The following ELP6 variants were observed in gnomAD, a reference collection of about 807,000 sequenced individuals.
ELP6 encodes elongator complex protein 6.
Under a neutral mutation model 28.1 loss-of-function variants are expected in ELP6, and 23 were observed. That is an observed-to-expected ratio of 0.82 (90% CI 0.59 to 1.16). The LOEUF (loss-of-function observed/expected upper bound fraction) is 1.16. Among genes scored for constraint, ELP6 ranks in the 50% most tolerant of loss-of-function variants. The pLI, the probability that ELP6 is intolerant of heterozygous loss-of-function variation, is 0.00. For missense variants in ELP6, 313 were observed against 334.6 expected (o/e 0.94, Z 0.50); for synonymous variants, 132 against 135.8 (o/e 0.97, Z 0.19).
chr3:47,511,130 CATCA>C lies in ELP6; in HGVS notation c.133+14_133+17del. 1.2e-6 allele frequency: 2 copies of C among 1,605,956 alleles called. No individual in the cohort carries two copies. Among genetic ancestry groups the C allele is most frequent in the Non-Finnish European group, 1.7e-6 (2 of 1,173,764 alleles). ...CCCATCTTGGGTTTCTTTTCTACAG[CATCA>C]ATGAGTCCCATACCTTTGAGATAGA... On this transcript the variant is annotated intron_variant, in intron 2 of 6. Transcript: ENST00000296149.
chr3:47,504,923 G>A (rs573643442), intron 3 of ELP6, among the ~76,000 whole-genome samples: 3 of 152,198 alleles, frequency 2.0e-5, no homozygotes, highest in East Asian at 1.9e-4. Context: ...TCATGCTGCT[G>A]CACTCCAGCC....
chr3:47,509,231 G>C (rs1708939962), intron 3 of ELP6, among the ~76,000 whole-genome samples: 1 of 152,126 alleles, frequency 6.6e-6, no homozygotes, highest in South Asian at 2.1e-4. Context: ...CAAAGTGCTG[G>C]GATTACAGGC....
At chr3:47,497,917 C>G in intron 6 of ELP6, 1 of 982,034 alleles carries the variant, frequency 1.0e-6, no homozygotes, top group Non-Finnish European at 1.2e-6. Context: ...GGTGACAGAG[C>G]AAGACTCCGT....
intron 1 of ELP6, chr3:47,512,525 C>T (rs1709044163): frequency 1.2e-6 from 1 of 863,142 alleles, no homozygotes; most frequent in Non-Finnish European, 1.4e-6. Flanking sequence ...CACTCCAGCC[C>T]AGGCGAGGGA....
intron 5 of ELP6, chr3:47,500,207 G>A (rs1428622487): frequency 1.2e-5 from 13 of 1,090,274 alleles, no homozygotes; most frequent in South Asian, 7.1e-5. Context: ...AAAATATACC[G>A]TGTATTAATA....
At position 47,512,783 on chromosome 3, in the gene ELP6, C is replaced by T. The variant is rs987876216; in HGVS notation, c.54+754G>A. 37 of 935,076 alleles carry T rather than the reference C, an allele frequency of 4.0e-5. No homozygotes were observed. In the South Asian group the frequency reaches 9.3e-4, roughly 24 times the overall value. The allele number at this position is 935,076 out of a possible 1,614,324, so 57.9% of individuals were successfully genotyped here. ...GTAAGAAGAACAGCAGCGTTCAATACAATGTGCCAATTGCTCCGGGGCGAG... is the reference window on the plus strand; with the variant it reads ...GTAAGAAGAACAGCAGCGTTCAATATAATGTGCCAATTGCTCCGGGGCGAG... On this transcript the variant is annotated intron_variant, in intron 1 of 6. Transcript: ENST00000296149.
intron 6 of ELP6, chr3:47,497,830 G>C (rs1708522126): frequency 2.7e-6 from 1 of 375,014 alleles, no homozygotes; most frequent in African/African-American, 2.2e-5. Flanking sequence ...TACTAGGAAG[G>C]CTGAGGCAGA....
rs927284718 is a variant in ELP6 at position 47,504,376 on chromosome 3, C to T, written c.277G>A (p.Val93Ile). The T allele has an allele frequency of 3.7e-6, 6 of 1,610,314 alleles. No homozygotes were observed. The East Asian group carries it at 6.7e-5, about 18-fold the overall frequency. The change falls in exon 4 of 7, where the codon GTC becomes ATC. Residue 93 changes from valine (V) to isoleucine (I), a missense_variant. By Grantham distance (29) the Val-to-Ile change is conservative (BLOSUM62 3). Transcript: ENST00000296149. ...FLEGLKSAVD[V>I]VFQAQKEPHP... The stretch of plus-strand genomic sequence containing the variant: ...GGCTCCTTTTGAGCCTGGAAGACGA[C>T]GTCCACTGCAGACTTGAGTCCCTCA...
intron 6 of ELP6, chr3:47,498,024 C>T (rs1006829460): frequency 1.0e-6 from 1 of 985,142 alleles, no homozygotes; most frequent in African/African-American, 1.7e-5. Flanking sequence ...CCCCTGCATT[C>T]CACTCTAGAC....
At chr3:47,505,818 C>T (rs1199382410) in intron 3 of ELP6, among the ~76,000 whole-genome samples, 5 of 152,086 alleles carry the variant, frequency 3.3e-5, no homozygotes, top group South Asian at 4.1e-4. Context: ...GTGATCCACC[C>T]GCCTTGGCCT....
At chr3:47,510,040 G>A (rs138165741) in intron 3 of ELP6, 144 bp downstream of exon 3, 10 of 650,136 alleles carry the variant, frequency 1.5e-5, no homozygotes, top group South Asian at 2.2e-5. Flanking sequence ...GATTACAGGC[G>A]TGAGCCACCA....
chr3:47,503,359 C>G, intron 4 of ELP6: 2 of 1,289,684 alleles, frequency 1.6e-6, no homozygotes, highest in Non-Finnish European at 2.0e-6. Flanking sequence ...ATGTTTGTGG[C>G]CAATGTTCAG....
Position 47,501,625 on chromosome 3 carries a change from G to A in ELP6, c.525+25C>T, listed in dbSNP as rs934757390. The A allele has an allele frequency of 8.1e-6, 13 of 1,609,832 alleles. No homozygotes were observed. In the African/African-American group the frequency reaches 9.4e-5, roughly 12 times the overall value. ...GAGTTCTTGGAGGTCACAGGTGGGC[G>A]CAGAGAAGGCAGTTCCATGAGTACC... On this transcript the variant is annotated intron_variant, in intron 5 of 6. Coordinates refer to ENST00000296149, the MANE Select transcript of ELP6 (RefSeq NM_001031703.3).
At chr3:47,502,220 C>A in intron 4 of ELP6, 2 of 188,022 alleles carry the variant, frequency 1.1e-5, no homozygotes, top group Non-Finnish European at 2.0e-5. Context: ...ACCAGCCTGG[C>A]CAACAATGGT....
At chr3:47,511,806 C>T (rs754092633) in intron 1 of ELP6, 4 of 988,506 alleles carry the variant, frequency 4.0e-6, no homozygotes, top group Non-Finnish European at 4.8e-6. Context: ...CTCTGCAGAG[C>T]CTGACTGTCC....
chr3:47,508,230 T>C (rs965497726), intron 3 of ELP6, among the ~76,000 whole-genome samples: 3 of 152,206 alleles, frequency 2.0e-5, no homozygotes, highest in African/African-American at 4.8e-5. Context: ...TATTTTATTT[T>C]TTATTTTTAT....
At chr3:47,501,528 C>A in intron 5 of ELP6, 122 bp downstream of exon 5, 1 of 983,376 alleles carries the variant, frequency 1.0e-6, no homozygotes, top group Admixed American at 2.5e-5. Context: ...GCTTTCTGGG[C>A]CTGCCAGAGT....
chr3:47,497,519 T>C (rs1202720296), intron 6 of ELP6, among the ~76,000 whole-genome samples: 2 of 151,824 alleles, frequency 1.3e-5, no homozygotes, highest in African/African-American at 4.8e-5. Context: ...GTATTTCTAT[T>C]AGAGATGGGA....
At chr3:47,511,525 A>C in intron 1 of ELP6, 1 of 1,168,536 alleles carries the variant, frequency 8.6e-7, no homozygotes, top group Non-Finnish European at 1.1e-6. Context: ...TTAGTCACTC[A>C]GGAACCAGTC....
Sources: gnomAD v4.1 joint callset for allele counts (sites outside exome capture counted in the v4.1 genomes callset) on GRCh38, gnomAD v4.1.1 for gene constraint, MANE v1.5 for transcripts, NCBI Gene and HGNC (gene_info 2026-07-23, HGNC 2026-07-21) for gene names.